The following POLR1C variants were observed in gnomAD, a reference collection of about 807,000 sequenced individuals.
POLR1C encodes RNA polymerase I and III subunit C, also known as DNA-directed RNA polymerases I and III subunit RPAC1.
POLR1C carries 42 observed loss-of-function variants against 38.3 expected under a neutral mutation model. The ratio of observed to expected loss-of-function variants is 1.10; its 90% CI spans 0.86 to 1.42. The LOEUF is 1.42. Ranked by LOEUF, POLR1C falls within the 40% of genes most tolerant of loss-of-function variation. POLR1C has a pLI of 0.00. For missense variants in POLR1C, 507 were observed against 450.5 expected (o/e 1.13, Z -1.14); for synonymous variants, 163 against 163.9 (o/e 0.99, Z 0.04).
At chr6:43,531,043 C>T (rs932812073), downstream of POLR1C, among the ~76,000 whole-genome samples, 8 of 152,180 alleles carry the variant, frequency 5.3e-5, no homozygotes, top group Non-Finnish European at 8.8e-5. Context: ...TGTGGACTTA[C>T]AATGGACGAT....
At chr6:43,549,480 G>T (rs974291594) in intron 9 of POLR1C, 2 of 1,604,490 alleles carry the variant, frequency 1.2e-6, no homozygotes, top group Middle Eastern at 1.9e-4. Context: ...CCAGGGTCCA[G>T]CAGCTTACCA....
At chr6:43,561,098 C>T (rs1378820812) in intron 10 of POLR1C, 8 of 1,095,726 alleles carry the variant, frequency 7.3e-6, no homozygotes, top group Non-Finnish European at 9.6e-6. Context: ...TAAATTAAAC[C>T]CTCAAAAAAT....
At chr6:43,539,212 G>A (rs932477883) in intron 9 of POLR1C, 9 of 1,170,580 alleles carry the variant, frequency 7.7e-6, no homozygotes, top group Admixed American at 1.9e-5. Flanking sequence ...CTCTGTGCAC[G>A]GGGACAATGG....
intron 9 of POLR1C, among the ~76,000 whole-genome samples, chr6:43,543,402 G>A (rs536113668): frequency 5.3e-5 from 8 of 152,258 alleles, no homozygotes; most frequent in East Asian, 1.9e-4. Context: ...GCAGTGAGCC[G>A]TGATCGCAAC....
chr6:43,539,569 G>T, intron 9 of POLR1C: 2 of 1,365,174 alleles, frequency 1.5e-6, no homozygotes, highest in Non-Finnish European at 2.1e-6. Context: ...CGCGGCCTCA[G>T]CCCCGGCCCG....
At position 43,520,117 on chromosome 6, in the gene POLR1C, G is replaced by C. The variant is rs1232225517; in HGVS notation, c.434G>C (p.Arg145Thr). The part of the protein sequence containing the change: ...IDTLQFRLQV[R>T]CTRNPHAAKD... ...ACTCTACAGTTTCGTCTCCAGGTCA[G>C]ATGCACTCGGAACCCCCATGCTGCT... is the stretch of plus-strand genomic sequence containing the variant. The change falls in exon 5 of 9, where the codon AGA (arginine) becomes ACA (threonine). Residue 145 changes from arginine to threonine, a missense_variant. Transcript: ENST00000642195. The C allele has an allele frequency of 2.0e-5, 32 of 1,614,120 alleles. No individual in the cohort carries two copies. The highest frequency in any genetic ancestry group is 2.7e-5 in the Non-Finnish European group (32 of 1,180,054).
chr6:43,554,579 C>T (rs1231300060), intron 10 of POLR1C, among the ~76,000 whole-genome samples: 3 of 151,970 alleles, frequency 2.0e-5, no homozygotes, highest in Admixed American at 6.6e-5. Flanking sequence ...GGCCCACCAC[C>T]ACGCCTGGCT....
Position 43,528,336 on chromosome 6 carries a change from G to A in POLR1C, c.923-913G>A, listed in dbSNP as rs2127703010. 3.6e-6 allele frequency: 3 copies of A among 836,504 alleles called. No individual in the cohort carries two copies. In the East Asian group the frequency reaches 7.9e-5, roughly 22 times the overall value. The allele number at this position is 836,504 out of a possible 1,614,324, so 51.8% of individuals were successfully genotyped here. On this transcript the variant is annotated intron_variant, in intron 8 of 8. Transcript: ENST00000304004. Reference sequence around the variant, plus strand: ...CTAGGCATCAATGACAACTTCTGTAGACTCCACACCACAAGGTTAAAAAAA... The same window carrying A: ...CTAGGCATCAATGACAACTTCTGTAAACTCCACACCACAAGGTTAAAAAAA...
intron 9 of POLR1C, among the ~76,000 whole-genome samples, chr6:43,540,304 C>T (rs921003615): frequency 1.3e-5 from 2 of 152,134 alleles, no homozygotes; most frequent in Non-Finnish European, 2.9e-5. Flanking sequence ...ACGGTGAAAC[C>T]CTGTCTCTAC....
chr6:43,538,491 TGTGTGGATAAACAGA>T lies in POLR1C; in HGVS notation c.*4+9133_*4+9147del, dbSNP rs1794489908. The stretch of plus-strand genomic sequence containing the variant: ...AGATATCTTAAATATATATAAACCT[TGTGTGGATAAACAGA>T]AAAAAGGAAAACATTCGGTGATATT... On this transcript the variant is annotated intron_variant, in intron 9 of 10. Transcript: ENST00000607635. 3.3e-5 allele frequency among the ~76,000 whole-genome samples: 5 copies of T among 152,190 alleles called. No homozygotes were observed. The South Asian group carries it at 1.0e-3, about 32-fold the overall frequency.
At chr6:43,552,241 A>G (rs566429945) in intron 10 of POLR1C, among the ~76,000 whole-genome samples, 1 of 152,070 alleles carries the variant, frequency 6.6e-6, no homozygotes, top group East Asian at 1.9e-4. Flanking sequence ...TATTTTTAGT[A>G]GAGACAGGGT....
chr6:43,532,910 C>T (rs1374811110), downstream of POLR1C, among the ~76,000 whole-genome samples: 1 of 152,132 alleles, frequency 6.6e-6, no homozygotes, highest in Non-Finnish European at 1.5e-5. Context: ...TTTGGGAGGC[C>T]AAGGCAGGCA....
chr6:43,544,955 C>G (rs1218571445), intron 9 of POLR1C, among the ~76,000 whole-genome samples: 5 of 152,174 alleles, frequency 3.3e-5, no homozygotes, highest in East Asian at 1.9e-4. Context: ...TCACTGCAAT[C>G]TCCGCCTCCC....
chr6:43,527,790 G>A, intron 8 of POLR1C: 1 of 1,577,278 alleles, frequency 6.3e-7, no homozygotes, highest in Non-Finnish European at 8.7e-7. Context: ...GACAAGGAAA[G>A]CAGCGACCCT....
chr6:43,552,182 T>A (rs1256479180), intron 10 of POLR1C, among the ~76,000 whole-genome samples: 1 of 151,372 alleles, frequency 6.6e-6, no homozygotes, highest in Non-Finnish European at 1.5e-5. Context: ...CTCAGCCTCC[T>A]GAGTAGCTGG....
At chr6:43,543,857 A>G (rs531813616) in intron 9 of POLR1C, among the ~76,000 whole-genome samples, 29 of 152,038 alleles carry the variant, frequency 1.9e-4, no homozygotes, top group African/African-American at 7.0e-4. Context: ...TTGTATTTTT[A>G]GTAGAGGTGG....
chr6:43,528,485 C>T (rs1793738899), intron 8 of POLR1C, among the ~76,000 whole-genome samples: 1 of 152,152 alleles, frequency 6.6e-6, no homozygotes, highest in Admixed American at 6.5e-5. Flanking sequence ...ACCTGTTCTC[C>T]ACCCAGCTGG....
At chr6:43,553,208 A>G (rs1157421382) in intron 10 of POLR1C, among the ~76,000 whole-genome samples, 1 of 152,128 alleles carries the variant, frequency 6.6e-6, no homozygotes, top group Non-Finnish European at 1.5e-5. Context: ...AGCCTGAGGT[A>G]GGAGGATTGC....
rs1417029397 is a variant in POLR1C, at chr6:43,519,170, C to CT, written c.142-161dup. ...ACAAAAATGGAGACTTTTCATGAAA[C>CT]TTAAAACACTGGGCGAGATAGAATA... is the stretch of plus-strand genomic sequence containing the variant. On this transcript the variant is annotated intron_variant, in intron 2 of 8. Coordinates refer to ENST00000642195, the MANE Select transcript of POLR1C (RefSeq NM_203290.4). 4 of 670,602 alleles carry CT rather than the reference C, an allele frequency of 6.0e-6. No individual in the cohort carries two copies. In the African/African-American group the frequency reaches 7.1e-5, roughly 12 times the overall value. 41.5% of individuals were successfully genotyped at this position (670,602 alleles called of 1,614,324 possible). A position where few individuals can be genotyped will look rare whatever the true frequency, so the allele number is the denominator to read the frequency against.
Sources: gnomAD v4.1 joint callset for allele counts (sites outside exome capture counted in the v4.1 genomes callset) on GRCh38, gnomAD v4.1.1 for gene constraint, MANE v1.5 for transcripts, NCBI Gene and HGNC (gene_info 2026-07-23, HGNC 2026-07-21) for gene names.